LRRK2: variants seen among roughly 807,000 people sequenced by gnomAD.
LRRK2 encodes the protein leucine rich repeat kinase 2.
LRRK2 carries 203 observed loss-of-function variants against 302.6 expected under a neutral mutation model. The ratio of observed to expected loss-of-function variants is 0.67; its 90% CI spans 0.60 to 0.75. The LOEUF is 0.75. Ranked by LOEUF, LRRK2 falls within the 30% of genes least tolerant of loss-of-function variation. LRRK2 has a pLI of 0.00. For missense variants in LRRK2, 2,830 were observed against 2,951.0 expected (o/e 0.96, Z 0.95); for synonymous variants, 1,066 against 1,031.9 (o/e 1.03, Z -0.63).
intron 3 of LRRK2, among the ~76,000 whole-genome samples, chr12:40,233,458 T>C (rs1941296193): frequency 6.6e-6 from 1 of 152,222 alleles, no homozygotes; most frequent in Non-Finnish European, 1.5e-5. Context: ...AACATGTCTG[T>C]GCTTATACAT....
chr12:40,236,749 A>G (rs1318767399), intron 4 of LRRK2, among the ~76,000 whole-genome samples: 4 of 152,186 alleles, frequency 2.6e-5, no homozygotes, highest in African/African-American at 9.7e-5. Flanking sequence ...GTATGAGGGA[A>G]AAACAAGAAG....
intron 14 of LRRK2, 47 bp downstream of exon 14, chr12:40,263,948 T>A (rs1592183898): frequency 1.4e-6 from 2 of 1,394,214 alleles, no homozygotes; most frequent in East Asian, 4.8e-5. Flanking sequence ...AACTAAAATA[T>A]TAAATTTGGA....
At chr12:40,262,856 T>G (rs577680770) in intron 13 of LRRK2, among the ~76,000 whole-genome samples, 32 of 152,222 alleles carry the variant, frequency 2.1e-4, no homozygotes, top group African/African-American at 7.7e-4. Context: ...CACAGACAGT[T>G]TAAGGGACTT....
chr12:40,322,414 GA>G lies in LRRK2; in HGVS notation c.5416del (p.Thr1806LeufsTer3), dbSNP rs1416035654. On this transcript the variant is annotated frameshift_variant, in exon 37 of 51. Coordinates refer to ENST00000298910, the MANE Select transcript of LRRK2 (RefSeq NM_198578.4). LOFTEE classifies it high-confidence loss of function. ...LLEIDICGEG[E>X]TLLKKWALYS... ...GGAGATTGATATTTGTGGTGAAGGA[GA>G]AACTCTGTTGAAGAAATGGGCATTA... is the stretch of plus-strand genomic sequence containing the variant. 1.2e-6 allele frequency: 2 copies of G among 1,613,434 alleles called. No homozygotes were observed. Among genetic ancestry groups the G allele is most frequent in the Non-Finnish European group, 8.5e-7 (1 of 1,179,528 alleles).
chr12:40,237,635 A>G (rs1401266354), intron 4 of LRRK2, among the ~76,000 whole-genome samples: 15 of 152,164 alleles, frequency 9.9e-5, no homozygotes, highest in Admixed American at 9.8e-4. Context: ...GGTTTGGGGT[A>G]ACTGTGGAAT....
intron 39 of LRRK2, among the ~76,000 whole-genome samples, chr12:40,329,783 A>C (rs1350746079): frequency 6.6e-6 from 1 of 152,198 alleles, no homozygotes; most frequent in Non-Finnish European, 1.5e-5. Flanking sequence ...TAGGTTGACC[A>C]GGCTGGTCTG....
In LRRK2 at chr12:40,348,528, T is replaced by C. The variant is rs1264669177; in HGVS notation, c.6381+19T>C. Reference sequence around the variant, plus strand: ...TGCCCAGGTATTCTTAAAGTTTTGTTAATATTTTGTACAGAACATCATTTG... The same window carrying C: ...TGCCCAGGTATTCTTAAAGTTTTGTCAATATTTTGTACAGAACATCATTTG... On this transcript the variant is annotated intron_variant, in intron 43 of 50. Coordinates refer to ENST00000298910, the MANE Select transcript of LRRK2 (RefSeq NM_198578.4). 11 of 1,513,636 alleles carry C rather than the reference T, an allele frequency of 7.3e-6. No individual in the cohort carries two copies. Among genetic ancestry groups the C allele is most frequent in the Non-Finnish European group, 9.2e-6 (10 of 1,089,582 alleles). The allele number at this position is 1,513,636 out of a possible 1,614,324, so 93.8% of individuals were successfully genotyped here. A position where few individuals can be genotyped will look rare whatever the true frequency, so the allele number is the denominator to read the frequency against.
At chr12:40,359,553 A>G (rs1592342051) in intron 47 of LRRK2, 109 bp downstream of exon 47, 2 of 939,700 alleles carry the variant, frequency 2.1e-6, no homozygotes, top group Middle Eastern at 3.4e-4. Context: ...TTTAAAATGC[A>G]TAATTTATTT....
intron 25 of LRRK2, among the ~76,000 whole-genome samples, chr12:40,301,854 A>G (rs1944639586): frequency 6.6e-6 from 1 of 152,078 alleles, no homozygotes; most frequent in South Asian, 2.1e-4. Flanking sequence ...TATTTCTTGG[A>G]GGTACCTCAT....
intron 26 of LRRK2, among the ~76,000 whole-genome samples, chr12:40,303,491 C>T (rs1394471098): frequency 2.6e-5 from 4 of 152,052 alleles, no homozygotes. Context: ...TTCCTTCAAA[C>T]ACTATGGCTT....
intron 7 of LRRK2, among the ~76,000 whole-genome samples, chr12:40,248,832 G>C (rs1200838038): frequency 6.6e-6 from 1 of 152,180 alleles, no homozygotes; most frequent in African/African-American, 2.4e-5. Context: ...GACAACCCAA[G>C]TTTAGACAAG....
chr12:40,355,530 T>TCCCTCCCTCCCTCCCC (rs1565777084), intron 45 of LRRK2, among the ~76,000 whole-genome samples: 1 of 24,700 alleles, frequency 4.0e-5, no homozygotes, highest in Non-Finnish European at 1.0e-4. Flanking sequence ...CCTCCCTCCC[T>TCCCTCCCTCCCTCCCC]TCCTTCCTTC....
intron 10 of LRRK2, 96 bp downstream of exon 10, chr12:40,251,640 A>G: frequency 9.1e-7 from 1 of 1,098,546 alleles, no homozygotes; most frequent in East Asian, 2.6e-5. Context: ...TGTTAGAAAT[A>G]TTTTTGATAT....
At chr12:40,253,097 A>C in intron 11 of LRRK2, 81 bp downstream of exon 11, 1 of 858,574 alleles carries the variant, frequency 1.2e-6, no homozygotes, top group Non-Finnish European at 1.9e-6. Context: ...ATACTGTGAA[A>C]AATTTACATA....
intron 13 of LRRK2, among the ~76,000 whole-genome samples, chr12:40,260,385 T>C (rs879909129): frequency 5.3e-5 from 8 of 150,694 alleles, no homozygotes; most frequent in Non-Finnish European, 8.9e-5. Context: ...AGGACAGAGA[T>C]TGTAATATTT....
chr12:40,241,156 G>A (rs990435034), intron 6 of LRRK2, among the ~76,000 whole-genome samples: 4 of 152,206 alleles, frequency 2.6e-5, no homozygotes, highest in African/African-American at 9.6e-5. Flanking sequence ...GTGCGTGCAT[G>A]CATGCGTGTG....
intron 21 of LRRK2, 131 bp downstream of exon 21, chr12:40,293,794 A>AT: frequency 1.6e-6 from 1 of 624,916 alleles, no homozygotes; most frequent in Non-Finnish European, 2.9e-6. Context: ...TAATTTTGAG[A>AT]TTTTTATATA....
In LRRK2 at chr12:40,287,433, T is replaced by C; in HGVS notation, c.2583T>C (p.Asp861=). 1.9e-6 allele frequency: 3 copies of C among 1,612,822 alleles called. No homozygotes were observed. The highest frequency in any genetic ancestry group is 2.5e-6 in the Non-Finnish European group (3 of 1,179,130). ...AAGAAGGAACAGCCTCAGGCAGCGA[T>C]GGAAATTTTTCTGAAGATGTGCTGT... ...AVEEGTASGS[D]GNFSEDVLSK... is the part of the protein sequence containing the mutation. Residue 861 remains aspartate (D), a synonymous_variant, in exon 20 of 51, where the codon GAT becomes GAC. Transcript: ENST00000298910.
chr12:40,252,670 G>C (rs1203350453), intron 10 of LRRK2, among the ~76,000 whole-genome samples: 1 of 151,794 alleles, frequency 6.6e-6, no homozygotes, highest in Non-Finnish European at 1.5e-5. Flanking sequence ...TATCTGCTGA[G>C]CTTTTTTATT....
Sources: gnomAD v4.1 joint callset for allele counts (sites outside exome capture counted in the v4.1 genomes callset) on GRCh38, gnomAD v4.1.1 for gene constraint, MANE v1.5 for transcripts, NCBI Gene and HGNC (gene_info 2026-07-23, HGNC 2026-07-21) for gene names.